The following DOCK5 variants were observed in gnomAD, a reference collection of about 807,000 sequenced individuals.
DOCK5 encodes the protein dedicator of cytokinesis protein 5.
In DOCK5, 142 loss-of-function variants were observed where a neutral mutation model predicts 251.8. The observed-to-expected ratio is 0.56, with a 90% CI of 0.49 to 0.65. The LOEUF (loss-of-function observed/expected upper bound fraction) is 0.65, where lower values mean the gene tolerates loss of function less well. DOCK5 is among the 30% of genes least tolerant of loss of function. The pLI, the probability that DOCK5 is intolerant of heterozygous loss-of-function variation, is 0.00. For synonymous variants in DOCK5, 842 were observed against 835.5 expected (o/e 1.01, Z -0.13); for missense variants, 2,111 against 2,312.3 (o/e 0.91, Z 1.79).
At chr8:25,266,129 C>T (rs1468302547) in intron 2 of DOCK5, among the ~76,000 whole-genome samples, 1 of 151,736 alleles carries the variant, frequency 6.6e-6, no homozygotes, top group African/African-American at 2.4e-5. Flanking sequence ...GGTGTAATAA[C>T]TTAAAGCATC....
At chr8:25,353,126 G>A (rs546436365) in intron 27 of DOCK5, among the ~76,000 whole-genome samples, 101 of 152,204 alleles carry the variant, frequency 6.6e-4, no homozygotes, top group African/African-American at 2.1e-3. Flanking sequence ...TCTCTGAGCC[G>A]AGGAGTTCGA....
chr8:25,321,120 T>G, intron 16 of DOCK5, 68 bp downstream of exon 16: 1 of 1,344,784 alleles, frequency 7.4e-7, no homozygotes, highest in Admixed American at 1.9e-5. Flanking sequence ...ACAGCCATCT[T>G]GTGAAGCTGG....
chr8:25,201,449 T>C (rs866527476), intron 1 of DOCK5, among the ~76,000 whole-genome samples: 7 of 152,196 alleles, frequency 4.6e-5, no homozygotes, highest in Non-Finnish European at 7.3e-5. Flanking sequence ...TTAAAAAATA[T>C]GTTTGAGTTA....
chr8:25,376,534 C>G (rs922636186), intron 37 of DOCK5: 23 of 296,344 alleles, frequency 7.8e-5, no homozygotes, highest in Non-Finnish European at 1.0e-4. Context: ...GATTGCTCTT[C>G]TTTTTCAGAG....
chr8:25,192,333 G>A (rs1205088483), intron 1 of DOCK5, among the ~76,000 whole-genome samples: 1 of 152,132 alleles, frequency 6.6e-6, no homozygotes, highest in Non-Finnish European at 1.5e-5. Flanking sequence ...CTAGATACCT[G>A]AGGAATCGCC....
chr8:25,391,199 GT>G (rs377425337), intron 42 of DOCK5, among the ~76,000 whole-genome samples: 124,941 of 141,670 alleles, frequency 0.88, 54,488 homozygotes, highest in Non-Finnish European at 0.95. Context: ...CACCACACCT[GT>G]GTGTGTGTGT....
At chr8:25,207,936 CATTCTAA>C (rs1802042890) in intron 1 of DOCK5, among the ~76,000 whole-genome samples, 1 of 152,192 alleles carries the variant, frequency 6.6e-6, no homozygotes, top group South Asian at 2.1e-4. Context: ...AAGGATTCCC[CATTCTAA>C]ATGCCACTAA....
At chr8:25,227,183 T>A (rs549174582) in intron 1 of DOCK5, among the ~76,000 whole-genome samples, 1 of 152,322 alleles carries the variant, frequency 6.6e-6, no homozygotes, top group South Asian at 2.1e-4. Context: ...CCAGAGCAGC[T>A]CACGTTCACA....
In DOCK5 at chr8:25,195,604, G is replaced by A. The variant is rs545391489; in HGVS notation, c.43+10653G>A. Among the ~76,000 whole-genome samples, 178 of 152,200 alleles carry A rather than the reference G, an allele frequency of 1.2e-3. 1 individual carries two copies. The highest frequency in any genetic ancestry group is 4.3e-3 in the African/African-American group (177 of 41,524). The stretch of plus-strand genomic sequence containing the variant: ...CAAGCTCAGCTTGACTCAGGACCTT[G>A]GCACTTACTCCTCCCTCTTATGGAA... On this transcript the variant is annotated intron_variant, in intron 1 of 51. Coordinates refer to ENST00000276440, the MANE Select transcript of DOCK5 (RefSeq NM_024940.8).
chr8:25,186,668 C>G (rs1372788229), intron 1 of DOCK5, among the ~76,000 whole-genome samples: 1 of 152,080 alleles, frequency 6.6e-6, no homozygotes, highest in Non-Finnish European at 1.5e-5. Flanking sequence ...CATGAGCCAC[C>G]TCACCTGGCC....
chr8:25,184,791 A>G lies in DOCK5; in HGVS notation c.-118A>G. 2 of 982,928 alleles carry G rather than the reference A, an allele frequency of 2.0e-6. No homozygotes were observed. The highest frequency in any genetic ancestry group is 4.4e-5 in the Admixed American group (1 of 22,496). The allele number at this position is 982,928 out of a possible 1,614,324, so 60.9% of individuals were successfully genotyped here. ...GGAGGCGGCCCGCGGAGTCCAGCGA[A>G]GTTTGGCGGAACATGGCGGAAGCGT... On this transcript the variant is annotated 5_prime_UTR_variant, in exon 1 of 52. Transcript: ENST00000276440.
At chr8:25,309,301 A>G (rs1805027908) in intron 12 of DOCK5, among the ~76,000 whole-genome samples, 1 of 152,012 alleles carries the variant, frequency 6.6e-6, no homozygotes. Context: ...CTCCTACCTC[A>G]GCCTTCCAAG....
chr8:25,389,362 G>A, intron 41 of DOCK5, 130 bp downstream of exon 41: 3 of 1,233,008 alleles, frequency 2.4e-6, no homozygotes, highest in Non-Finnish European at 3.3e-6. Flanking sequence ...TCTGACACAG[G>A]TTCCCATTCC....
chr8:25,248,630 G>A (rs1188686239), intron 2 of DOCK5, among the ~76,000 whole-genome samples: 4 of 151,896 alleles, frequency 2.6e-5, no homozygotes, highest in Non-Finnish European at 4.4e-5. Flanking sequence ...CCCACCGCCC[G>A]GGACAGAATA....
At position 25,256,638 on chromosome 8, in the gene DOCK5, C is replaced by CAA. The variant is rs891243325; in HGVS notation, c.128-12187_128-12186dup. 2.9e-3 allele frequency among the ~76,000 whole-genome samples: 142 copies of CAA among 48,516 alleles called. 2 individuals are homozygous for CAA. The highest frequency in any genetic ancestry group is 5.9e-3 in the African/African-American group (88 of 14,898). The allele number at this position is 48,516 out of a possible 152,430, so 31.8% of individuals were successfully genotyped here. On this transcript the variant is annotated intron_variant, in intron 2 of 51. Transcript: ENST00000276440. ...TGGTCGACAGAGCGAATCTCCATCT[C>CAA]AAAAAAAAAAAAAAAAAAAAAGAAT... is the stretch of plus-strand genomic sequence containing the variant.
chr8:25,391,904 G>C lies in DOCK5; in HGVS notation c.4364G>C (p.Arg1455Thr). The change falls in exon 43 of 52, where the codon AGA (arginine) becomes ACA (threonine). Residue 1455 changes from arginine (R) to threonine (T), a missense_variant. By Grantham distance (71) the Arg-to-Thr change is moderately conservative (BLOSUM62 -1). This residue lies in a region of DOCK5 where 1,717 missense variants were observed against 1,892.4 expected (regional missense o/e 0.91). Transcript: ENST00000276440. ...GCTTTGTCCTTCTCCAGCTACTACAGAGCCAATGAAGTGCAGCAGTTCAGA... is the reference window on the plus strand; with the variant it reads ...GCTTTGTCCTTCTCCAGCTACTACACAGCCAATGAAGTGCAGCAGTTCAGA... ...PVPEQILNYY[R>T]ANEVQQFRYS... 1.2e-6 allele frequency: 2 copies of C among 1,613,854 alleles called. No homozygotes were observed. The highest frequency in any genetic ancestry group is 1.7e-6 in the Non-Finnish European group (2 of 1,179,846).
At chr8:25,189,123 G>A (rs1164097606) in intron 1 of DOCK5, among the ~76,000 whole-genome samples, 1 of 145,652 alleles carries the variant, frequency 6.9e-6, no homozygotes, top group Non-Finnish European at 1.5e-5. Context: ...ATAGCTCACT[G>A]CAACCTGCCA....
intron 26 of DOCK5, 142 bp from the exon 27 acceptor site, chr8:25,351,589 C>T: frequency 1.6e-6 from 1 of 613,742 alleles, no homozygotes. Context: ...TCTGTGAGAC[C>T]ATTTTCCACT....
chr8:25,251,263 C>T (rs957424385), intron 2 of DOCK5, among the ~76,000 whole-genome samples: 3 of 148,800 alleles, frequency 2.0e-5, no homozygotes, highest in African/African-American at 4.9e-5. Flanking sequence ...ACAAACACAA[C>T]GAAATGTCTC....
Sources: allele counts gnomAD v4.1 joint callset (sites outside exome capture counted in the v4.1 genomes callset), GRCh38; gene constraint gnomAD v4.1.1; regional missense constraint gnomAD v4.1.1; transcripts MANE v1.5; gene names NCBI Gene and HGNC (gene_info 2026-07-23, HGNC 2026-07-21).